Variants in MEGF10 observed in about 807,000 individuals in gnomAD.
MEGF10 encodes multiple epidermal growth factor-like domains protein 10.
A neutral mutation model predicts 147.5 loss-of-function variants in MEGF10; 86 were observed. The ratio of observed to expected loss-of-function variants is 0.58; its 90% CI spans 0.49 to 0.70. The LOEUF (loss-of-function observed/expected upper bound fraction) is 0.70. MEGF10 is among the 30% of genes least tolerant of loss of function. The pLI, the probability that MEGF10 is intolerant of heterozygous loss-of-function variation, is 0.00. For missense variants in MEGF10, 1,329 were observed against 1,487.3 expected, an observed-to-expected ratio of 0.89 and a Z score of 1.75; for synonymous variants, 478 against 525.5, an observed-to-expected ratio of 0.91 and a Z score of 1.24.
At chr5:127,392,946 G>T (rs976716836) in intron 5 of MEGF10, among the ~76,000 whole-genome samples, 19 of 152,178 alleles carry the variant, frequency 1.2e-4, no homozygotes, top group African/African-American at 4.6e-4. Context: ...TTGCATCTGA[G>T]AGCCCATTTC....
chr5:127,322,109 GA>G (rs78102287), intron 1 of MEGF10, among the ~76,000 whole-genome samples: 3,682 of 140,364 alleles, frequency 0.026, 96 homozygotes, highest in East Asian at 0.12. Flanking sequence ...TAGGTTAAAA[GA>G]AAAAAAAAAA....
chr5:127,239,229 GA>G, the MEGF10 span, among the ~76,000 whole-genome samples: 3 of 151,646 alleles, frequency 2.0e-5, no homozygotes, highest in Non-Finnish European at 2.9e-5. Flanking sequence ...GGATCGGGGG[GA>G]AAAAACAGCT....
chr5:127,330,487 C>T (rs1238646937), intron 1 of MEGF10, among the ~76,000 whole-genome samples: 7 of 152,166 alleles, frequency 4.6e-5, no homozygotes, highest in Admixed American at 1.3e-4. Flanking sequence ...CTGGAACATT[C>T]ACCCTCTTCA....
At chr5:127,332,209 C>T (rs994684713) in intron 2 of MEGF10, among the ~76,000 whole-genome samples, 1 of 152,186 alleles carries the variant, frequency 6.6e-6, no homozygotes, top group Non-Finnish European at 1.5e-5. Context: ...AGCGATATTG[C>T]AGTACAATCA....
intron 5 of MEGF10, among the ~76,000 whole-genome samples, chr5:127,374,626 T>A (rs73344998): frequency 0.034 from 5,252 of 152,268 alleles, 303 homozygotes; most frequent in African/African-American, 0.12. Flanking sequence ...ATTGGATTCA[T>A]TGCTGGTTAT....
intron 5 of MEGF10, among the ~76,000 whole-genome samples, chr5:127,375,119 A>G (rs2126872503): frequency 6.6e-6 from 1 of 152,348 alleles, no homozygotes; most frequent in Middle Eastern, 3.4e-3. Flanking sequence ...TTCCCTTGAT[A>G]ATCTGGATCA....
At chr5:127,434,642 A>G (rs781175455) in intron 14 of MEGF10, 45 bp from the exon 15 acceptor site, 1 of 1,556,142 alleles carries the variant, frequency 6.4e-7, no homozygotes, top group South Asian at 1.2e-5. Flanking sequence ...ATGCGAGACA[A>G]ACGCATCTCA....
the MEGF10 span, among the ~76,000 whole-genome samples, chr5:127,268,436 G>A: frequency 3.9e-5 from 6 of 152,202 alleles, no homozygotes; most frequent in East Asian, 1.9e-4. Flanking sequence ...TGTTAGGTCC[G>A]CTTGGTGTAG....
chr5:127,398,953 A>T (rs934452258), intron 7 of MEGF10, among the ~76,000 whole-genome samples, 157 bp downstream of exon 7: 2 of 151,718 alleles, frequency 1.3e-5, no homozygotes, highest in African/African-American at 4.8e-5. Context: ...TAAATCTGAA[A>T]CTCTTCAGTT....
the MEGF10 span, among the ~76,000 whole-genome samples, chr5:127,258,140 G>C: frequency 6.6e-4 from 101 of 152,254 alleles, no homozygotes; most frequent in African/African-American, 2.3e-3. Context: ...TGCTTGCATA[G>C]CAAATTCTCT....
intron 2 of MEGF10, among the ~76,000 whole-genome samples, chr5:127,336,969 A>G (rs1471265818): frequency 2.6e-5 from 4 of 152,108 alleles, no homozygotes; most frequent in Non-Finnish European, 4.4e-5. Flanking sequence ...AGGCCTTAAG[A>G]TTCAGCTATT....
At chr5:127,298,322 G>C (rs1759602773) in intron 1 of MEGF10, among the ~76,000 whole-genome samples, 1 of 152,092 alleles carries the variant, frequency 6.6e-6, no homozygotes, top group Non-Finnish European at 1.5e-5. Flanking sequence ...GTTCTCACCT[G>C]TCTTCGTCTC....
intron 1 of MEGF10, among the ~76,000 whole-genome samples, chr5:127,317,791 AC>A (rs766193116): frequency 6.6e-6 from 1 of 152,156 alleles, no homozygotes; most frequent in Non-Finnish European, 1.5e-5. Context: ...TAGGAGAAAT[AC>A]CTAATATAAA....
intron 9 of MEGF10, among the ~76,000 whole-genome samples, chr5:127,416,495 A>G (rs1215525558): frequency 2.0e-5 from 3 of 152,190 alleles, no homozygotes; most frequent in East Asian, 1.9e-4. Flanking sequence ...CCTACACTCA[A>G]GAAACCACCT....
intron 1 of MEGF10, among the ~76,000 whole-genome samples, chr5:127,323,406 C>T (rs1760871651): frequency 1.3e-5 from 2 of 152,178 alleles, no homozygotes; most frequent in Non-Finnish European, 1.5e-5. Context: ...CCTCAAAGTA[C>T]AGGCATTGTG....
At chr5:127,369,514 C>T (rs1762774990) in intron 4 of MEGF10, among the ~76,000 whole-genome samples, 1 of 152,188 alleles carries the variant, frequency 6.6e-6, no homozygotes, top group African/African-American at 2.4e-5. Flanking sequence ...ATAATACTCC[C>T]CATCTACTCT....
intron 4 of MEGF10, among the ~76,000 whole-genome samples, chr5:127,350,418 T>C (rs1344893556): frequency 6.6e-6 from 1 of 152,136 alleles, no homozygotes; most frequent in Non-Finnish European, 1.5e-5. Flanking sequence ...CCAATTGCTG[T>C]GCCTGTCTTG....
chr5:127,306,841 T>C (rs1241120458), intron 1 of MEGF10, among the ~76,000 whole-genome samples: 1 of 152,204 alleles, frequency 6.6e-6, no homozygotes, highest in East Asian at 1.9e-4. Context: ...AGGTACTTTA[T>C]GCTGGGTTGT....
At chr5:127,255,167 A>G in the MEGF10 span, among the ~76,000 whole-genome samples, 1 of 152,056 alleles carries the variant, frequency 6.6e-6, no homozygotes, top group African/African-American at 2.4e-5. Flanking sequence ...TCACAGGTCC[A>G]GGTGGAGTCA....
Sources: gnomAD v4.1 joint callset for allele counts (sites outside exome capture counted in the v4.1 genomes callset) on GRCh38, gnomAD v4.1.1 for gene constraint, MANE v1.5 for transcripts, NCBI Gene and HGNC (gene_info 2026-07-23, HGNC 2026-07-21) for gene names.